PTCHD4: variants seen among roughly 807,000 people sequenced by gnomAD.
PTCHD4 encodes the protein patched domain-containing protein 4.
Under a neutral mutation model 58.1 loss-of-function variants are expected in PTCHD4, and 33 were observed. That is an observed-to-expected ratio of 0.57 (90% confidence interval 0.43 to 0.76). The LOEUF (loss-of-function observed/expected upper bound fraction) is 0.76. PTCHD4 is among the 30% of genes least tolerant of loss of function. PTCHD4 has a pLI of 0.00. For synonymous variants in PTCHD4, 478 were observed against 409.6 expected (o/e 1.17, Z -2.02); for missense variants, 1,058 against 1,027.1 (o/e 1.03, Z -0.41).
intron 3 of PTCHD4, among the ~76,000 whole-genome samples, chr6:48,043,396 A>G (rs1763915808): frequency 6.6e-6 from 1 of 151,806 alleles, no homozygotes. Context: ...CCTATAAAAT[A>G]CTTAATTATT....
chr6:47,970,323 G>C (rs1043841970), intron 4 of PTCHD4, among the ~76,000 whole-genome samples: 4 of 152,168 alleles, frequency 2.6e-5, no homozygotes, highest in Admixed American at 2.6e-4. Flanking sequence ...TCTTAACAAA[G>C]TGAGGAAATA....
At chr6:47,947,882 C>T (rs1419559816) in intron 4 of PTCHD4, among the ~76,000 whole-genome samples, 1 of 152,114 alleles carries the variant, frequency 6.6e-6, no homozygotes, top group Non-Finnish European at 1.5e-5. Flanking sequence ...TCTGTTCTTT[C>T]CATCTGGGAC....
At position 47,945,144 on chromosome 6, in the gene PTCHD4, A is replaced by G. The variant is rs141541659; in HGVS notation, c.898+63490T>C. On this transcript the variant is annotated intron_variant, in intron 4 of 4. Transcript: ENST00000339488. ...CATGGAAACCGAGAAGGAAAATTTT[A>G]CTATAATCATTAGGTACAATGCTAA... 2.0e-3 allele frequency among the ~76,000 whole-genome samples: 309 copies of G among 152,232 alleles called. 1 individual carries two copies. The highest frequency in any genetic ancestry group is 6.7e-3 in the African/African-American group (277 of 41,576).
chr6:48,077,730 T>C (rs1346673729), intron 1 of PTCHD4, among the ~76,000 whole-genome samples: 1 of 151,378 alleles, frequency 6.6e-6, no homozygotes, highest in East Asian at 1.9e-4. Flanking sequence ...ATTTCAATAT[T>C]GTTGTATCTC....
intron 4 of PTCHD4, among the ~76,000 whole-genome samples, chr6:47,896,250 C>T (rs1764525317): frequency 6.6e-6 from 1 of 152,184 alleles, no homozygotes; most frequent in African/African-American, 2.4e-5. Flanking sequence ...ATTTCTGTGA[C>T]AAATGTGGTC....
intron 4 of PTCHD4, among the ~76,000 whole-genome samples, chr6:47,976,610 C>T (rs887979001): frequency 2.0e-5 from 3 of 151,656 alleles, no homozygotes; most frequent in African/African-American, 7.3e-5. Flanking sequence ...GCCAAGATTG[C>T]ACCACTTTAC....
intron 4 of PTCHD4, among the ~76,000 whole-genome samples, chr6:47,949,729 C>T (rs540145674): frequency 4.9e-4 from 74 of 152,198 alleles, no homozygotes; most frequent in Middle Eastern, 3.4e-3. Context: ...AGTCTCCCCT[C>T]CTTACTAGCC....
intron 1 of PTCHD4, among the ~76,000 whole-genome samples, chr6:48,104,255 G>A (rs1027360161): frequency 2.4e-4 from 37 of 152,248 alleles, no homozygotes; most frequent in Admixed American, 1.8e-3. Flanking sequence ...CTGATCTCTC[G>A]GCAGAAACTC....
intron 3 of PTCHD4, among the ~76,000 whole-genome samples, chr6:48,026,886 T>C (rs1320929989): frequency 2.0e-5 from 3 of 150,530 alleles, no homozygotes; most frequent in African/African-American, 7.3e-5. Context: ...AAGTTTTTGC[T>C]CTTATTGAGT....
intron 3 of PTCHD4, among the ~76,000 whole-genome samples, chr6:48,050,096 T>C (rs1330553586): frequency 6.6e-6 from 1 of 151,940 alleles, no homozygotes; most frequent in African/African-American, 2.4e-5. Flanking sequence ...ACATTGTTAA[T>C]AGAAAAAGGA....
chr6:47,999,310 T>C (rs1049909239), intron 4 of PTCHD4, among the ~76,000 whole-genome samples: 5 of 152,170 alleles, frequency 3.3e-5, no homozygotes, highest in African/African-American at 9.6e-5. Flanking sequence ...TATTTTCACA[T>C]CATTGGCCAG....
At chr6:47,902,997 T>C (rs1300492078) in intron 4 of PTCHD4, among the ~76,000 whole-genome samples, 2 of 152,214 alleles carry the variant, frequency 1.3e-5, no homozygotes, top group Admixed American at 6.5e-5. Flanking sequence ...AATTTTCGTG[T>C]GTGCATTTAA....
At chr6:47,925,954 G>A (rs1765598635) in intron 4 of PTCHD4, among the ~76,000 whole-genome samples, 1 of 152,128 alleles carries the variant, frequency 6.6e-6, no homozygotes, top group African/African-American at 2.4e-5. Flanking sequence ...GAGGCTGGGG[G>A]TTGGCAGATG....
intron 4 of PTCHD4, among the ~76,000 whole-genome samples, chr6:47,968,000 T>G (rs923393140): frequency 6.6e-6 from 1 of 152,188 alleles, no homozygotes; most frequent in Non-Finnish European, 1.5e-5. Flanking sequence ...AACTTTTCCT[T>G]TGCATTTACA....
intron 3 of PTCHD4, among the ~76,000 whole-genome samples, chr6:48,058,914 C>T (rs539355380): frequency 3.9e-5 from 6 of 152,158 alleles, no homozygotes; most frequent in African/African-American, 1.2e-4. Context: ...TGAGGACTAC[C>T]AAAAATAGGA....
chr6:48,015,497 C>G (rs994195131), intron 3 of PTCHD4, among the ~76,000 whole-genome samples: 1 of 151,848 alleles, frequency 6.6e-6, no homozygotes, highest in Non-Finnish European at 1.5e-5. Context: ...ACCTTTCTTC[C>G]TATTCCTTGA....
chr6:47,983,457 G>A (rs749529531), intron 4 of PTCHD4, among the ~76,000 whole-genome samples: 14 of 151,944 alleles, frequency 9.2e-5, no homozygotes, highest in Non-Finnish European at 1.9e-4. Flanking sequence ...CATTTTAAAG[G>A]CATGACATTA....
chr6:47,997,161 T>A (rs887085920), intron 4 of PTCHD4, among the ~76,000 whole-genome samples: 71 of 152,182 alleles, frequency 4.7e-4, no homozygotes, highest in Admixed American at 1.3e-4. Flanking sequence ...AAAACCTACA[T>A]GTTAGGTGCC....
intron 4 of PTCHD4, among the ~76,000 whole-genome samples, chr6:48,000,678 A>G (rs1279188564): frequency 6.6e-6 from 1 of 152,154 alleles, no homozygotes; most frequent in East Asian, 1.9e-4. Flanking sequence ...ACATGCTCTC[A>G]TCCCCATATG....
Sources: gnomAD v4.1 joint callset for allele counts (sites outside exome capture counted in the v4.1 genomes callset) on GRCh38, gnomAD v4.1.1 for gene constraint, MANE v1.5 for transcripts, NCBI Gene and HGNC (gene_info 2026-07-23, HGNC 2026-07-21) for gene names.